The following ITPRID1 variants were observed in gnomAD, a reference collection of about 807,000 sequenced individuals.
The protein encoded by ITPRID1 is ITPR interacting domain containing 1, also known as protein ITPRID1.
Under a neutral mutation model 95.4 loss-of-function variants are expected in ITPRID1, and 96 were observed. The ratio of observed to expected loss-of-function variants is 1.01; its 90% confidence interval spans 0.85 to 1.19. The LOEUF is 1.19. Among genes scored for constraint, ITPRID1 ranks in the 50% most tolerant of loss-of-function variants. The pLI is 0.00. For missense variants in ITPRID1, 1,339 were observed against 1,252.9 expected (o/e 1.07, Z -1.04); for synonymous variants, 510 against 453.6 (o/e 1.12, Z -1.58).
chr7:31,550,482 C>T (rs1380190547), intron 2 of ITPRID1, among the ~76,000 whole-genome samples: 1 of 152,126 alleles, frequency 6.6e-6, no homozygotes, highest in African/African-American at 2.4e-5. Context: ...ATAACTTGTG[C>T]CCTGTCTATC....
At chr7:31,529,079 TA>T (rs2128129558) in intron 1 of ITPRID1, among the ~76,000 whole-genome samples, 1 of 152,334 alleles carries the variant, frequency 6.6e-6, no homozygotes, top group South Asian at 2.1e-4. Context: ...AAATACTTCA[TA>T]GATAGTGAAA....
intron 10 of ITPRID1, among the ~76,000 whole-genome samples, chr7:31,633,589 G>T (rs1221727653): frequency 6.6e-6 from 1 of 152,196 alleles, no homozygotes; most frequent in Non-Finnish European, 1.5e-5. Context: ...ACCGCCCATT[G>T]TCCTGAAGTC....
At chr7:31,544,638 C>T (rs1784039816) in intron 1 of ITPRID1, among the ~76,000 whole-genome samples, 1 of 152,094 alleles carries the variant, frequency 6.6e-6, no homozygotes, top group Non-Finnish European at 1.5e-5. Context: ...ATATTACATT[C>T]TGCCTCATAA....
intron 1 of ITPRID1, among the ~76,000 whole-genome samples, chr7:31,532,933 A>C (rs1162013373): frequency 6.6e-6 from 1 of 152,176 alleles, no homozygotes; most frequent in Non-Finnish European, 1.5e-5. Flanking sequence ...ATTTTGTTAA[A>C]GCTTTTTGTA....
chr7:31,652,801 G>A lies in ITPRID1; in HGVS notation c.3107G>A (p.Gly1036Glu). ...GPTPLSNCPV[G>E]EKDADVFL is the part of the protein sequence containing the mutation. ...ACCCCTTTGTCAAATTGTCCTGTTG[G>A]AGAAAAGGATGCAGATGTCTTCCTC... The change falls in exon 15 of 15, where the codon GGA (glycine) becomes GAA (glutamate). Residue 1036 changes from glycine (G) to glutamate (E), a missense_variant. Gly to Glu is a moderately conservative substitution (Grantham distance 98). Transcript: ENST00000615280. 1 of 1,613,356 alleles carries A rather than the reference G, an allele frequency of 6.2e-7. No individual in the cohort carries two copies. The highest frequency in any genetic ancestry group is 8.5e-7 in the Non-Finnish European group (1 of 1,179,382).
chr7:31,573,459 C>G (rs1158719339), intron 7 of ITPRID1, among the ~76,000 whole-genome samples: 1 of 151,778 alleles, frequency 6.6e-6, no homozygotes, highest in Non-Finnish European at 1.5e-5. Context: ...GTGGGCGTCC[C>G]CAGTGAGATA....
intron 5 of ITPRID1, among the ~76,000 whole-genome samples, chr7:31,559,506 C>CA (rs963303162): frequency 1.9e-4 from 29 of 151,108 alleles, no homozygotes; most frequent in East Asian, 7.8e-4. Flanking sequence ...ACTAAAAATA[C>CA]AAAAAAAAAT....
At chr7:31,600,548 G>A (rs1352525546) in intron 10 of ITPRID1, among the ~76,000 whole-genome samples, 1 of 152,176 alleles carries the variant, frequency 6.6e-6, no homozygotes, top group Non-Finnish European at 1.5e-5. Flanking sequence ...ACAGAAAAAG[G>A]TTAAAGAGAG....
chr7:31,608,010 A>G (rs1227396030), intron 10 of ITPRID1, among the ~76,000 whole-genome samples: 3 of 152,042 alleles, frequency 2.0e-5, no homozygotes, highest in Non-Finnish European at 4.4e-5. Context: ...GAAAAGATCA[A>G]TGATAGTTTC....
intron 11 of ITPRID1, 95 bp from the exon 12 acceptor site, chr7:31,642,587 A>G (rs1389123400): frequency 2.2e-5 from 24 of 1,114,038 alleles, no homozygotes; most frequent in Non-Finnish European, 2.7e-5. Context: ...TTATCTCCTG[A>G]CTCCTAAGGC....
At chr7:31,544,496 C>T (rs1055324646) in intron 1 of ITPRID1, among the ~76,000 whole-genome samples, 3 of 152,214 alleles carry the variant, frequency 2.0e-5, no homozygotes, top group Middle Eastern at 3.4e-3. Context: ...TTTGCCTATT[C>T]ATCCATTATC....
chr7:31,523,409 G>C (rs1783328901), intron 1 of ITPRID1, among the ~76,000 whole-genome samples: 2 of 152,208 alleles, frequency 1.3e-5, no homozygotes, highest in Admixed American at 6.5e-5. Context: ...CTGCCTTGAT[G>C]ATATCCCTAA....
intron 5 of ITPRID1, among the ~76,000 whole-genome samples, chr7:31,569,182 T>C (rs1259576801): frequency 1.3e-5 from 2 of 152,198 alleles, no homozygotes; most frequent in Non-Finnish European, 2.9e-5. Context: ...GTTTCTAATC[T>C]GAAAAATGAG....
At chr7:31,554,439 G>C (rs1475585385) in intron 3 of ITPRID1, 36 bp from the exon 4 acceptor site, 1 of 1,604,906 alleles carries the variant, frequency 6.2e-7, no homozygotes, top group Admixed American at 1.7e-5. Context: ...AGCTGGTTGT[G>C]CTTTGACTAA....
At chr7:31,617,783 A>G (rs1229698930) in intron 10 of ITPRID1, among the ~76,000 whole-genome samples, 1 of 152,136 alleles carries the variant, frequency 6.6e-6, no homozygotes, top group Non-Finnish European at 1.5e-5. Flanking sequence ...TGAAGATAAT[A>G]AAGATAAAAT....
chr7:31,578,228 G>A lies in ITPRID1; in HGVS notation c.964G>A (p.Asp322Asn), dbSNP rs1356810285. 2 of 1,613,730 alleles carry A rather than the reference G, an allele frequency of 1.2e-6. No homozygotes were observed. Among genetic ancestry groups the A allele is most frequent in the Non-Finnish European group, 1.7e-6 (2 of 1,179,752 alleles). ...AGAACATCAGTCTCTCCAAGCCTGT[G>A]ATGATTTGCTACCTTATCCTCCTCA... The part of the protein sequence containing the change: ...SVEHQSLQAC[D>N]DLLPYPPHGL... Residue 322 changes from aspartate to asparagine, a missense_variant, in exon 9 of 15, where the codon GAT becomes AAT. Coordinates refer to ENST00000615280, the MANE Select transcript of ITPRID1 (RefSeq NM_001257967.3).
intron 1 of ITPRID1, among the ~76,000 whole-genome samples, chr7:31,524,988 G>A (rs1783378877): frequency 6.6e-6 from 1 of 152,146 alleles, no homozygotes; most frequent in Admixed American, 6.5e-5. Flanking sequence ...TCATTACTGA[G>A]CTCTAGATCT....
chr7:31,636,725 TAA>T (rs745610017), intron 10 of ITPRID1, among the ~76,000 whole-genome samples: 198 of 111,528 alleles, frequency 1.8e-3, no homozygotes, highest in African/African-American at 4.4e-3. Flanking sequence ...CTTTTTTTTT[TAA>T]AAATTTTATT....
intron 10 of ITPRID1, among the ~76,000 whole-genome samples, chr7:31,603,823 T>G (rs1424118522): frequency 7.9e-5 from 12 of 152,108 alleles, no homozygotes; most frequent in Admixed American, 7.9e-4. Flanking sequence ...ATTGCTCCTT[T>G]TTTCAGACTT....
Sources: gnomAD v4.1 joint callset for allele counts (sites outside exome capture counted in the v4.1 genomes callset) on GRCh38, gnomAD v4.1.1 for gene constraint, MANE v1.5 for transcripts, NCBI Gene and HGNC (gene_info 2026-07-23, HGNC 2026-07-21) for gene names.